Variants in RAE1 observed in about 807,000 individuals in gnomAD.
RAE1 encodes mRNA export factor RAE1.
In RAE1, 13 loss-of-function variants were observed where a neutral mutation model predicts 52.7. The ratio of observed to expected loss-of-function variants is 0.25; its 90% CI spans 0.16 to 0.39. RAE1 has a LOEUF of 0.39. Among genes scored for constraint, RAE1 ranks in the 10% least tolerant of loss-of-function variants. The pLI, the probability that RAE1 is intolerant of heterozygous loss-of-function variation, is 1.00. For missense variants in RAE1, 262 were observed against 459.8 expected (o/e 0.57, Z 3.93); for synonymous variants, 164 against 153.1 (o/e 1.07, Z -0.52).
intron 4 of RAE1, chr20:57,357,344 T>C (rs2066804939): frequency 6.6e-6 from 1 of 152,214 alleles, no homozygotes; most frequent in East Asian, 1.9e-4. Context: ...AAGAGTATCA[T>C]CTAAATAAAT....
chr20:57,351,382 C>A lies in RAE1; in HGVS notation c.-48C>A. On this transcript the variant is annotated 5_prime_UTR_variant, in exon 1 of 12. The change creates a new upstream start codon in the 5' untranslated region. Coordinates refer to ENST00000395841, the MANE Select transcript of RAE1 (RefSeq NM_003610.4). ...AGGTTCGCAAACTCCTCAGACCCTT[C>A]TGCTCCCGGCCGCCGCTTTCCGCCG... 1 of 985,508 alleles carries A rather than the reference C, an allele frequency of 1.0e-6. No homozygotes were observed. Among genetic ancestry groups the A allele is most frequent in the Non-Finnish European group, 1.2e-6 (1 of 829,968 alleles). 61.0% of individuals were successfully genotyped at this position (985,508 alleles called of 1,614,324 possible).
intron 4 of RAE1, among the ~76,000 whole-genome samples, chr20:57,364,990 TG>T (rs2066935407): frequency 6.6e-6 from 1 of 152,224 alleles, no homozygotes; most frequent in African/African-American, 2.4e-5. Flanking sequence ...TTTGTATTTT[TG>T]CAACTTTTCT....
chr20:57,374,528 C>G (rs2067082742), intron 10 of RAE1, 79 bp from the exon 11 acceptor site: 1 of 1,314,770 alleles, frequency 7.6e-7, no homozygotes, highest in Non-Finnish European at 1.1e-6. Flanking sequence ...TTTCCTAACT[C>G]AAGCAGGAAG....
intron 11 of RAE1, among the ~76,000 whole-genome samples, chr20:57,376,686 C>A (rs545312096): frequency 6.6e-6 from 1 of 152,330 alleles, no homozygotes; most frequent in East Asian, 1.9e-4. Flanking sequence ...TTCTGCCTGG[C>A]TGGGGGTGGA....
chr20:57,371,420 C>T (rs543263915), intron 8 of RAE1: 3 of 152,156 alleles, frequency 2.0e-5, no homozygotes, highest in Non-Finnish European at 4.4e-5. Flanking sequence ...AGACATGTCT[C>T]CAAAGAAGAC....
Position 57,378,400 on chromosome 20 carries a change from G to T in RAE1, c.*301G>T. 1 of 320,784 alleles carries T rather than the reference G, an allele frequency of 3.1e-6. No individual in the cohort carries two copies. The highest frequency in any genetic ancestry group is 5.7e-6 in the Non-Finnish European group (1 of 174,182). 19.9% of individuals were successfully genotyped at this position (320,784 alleles called of 1,614,324 possible). A position where few individuals can be genotyped will look rare whatever the true frequency, so the allele number is the denominator to read the frequency against. Reference sequence around the variant, plus strand: ...TTCAGTGTACGTGTTAGAGAATATTGGAAAAGCGTCTGTGAGCCCCGTGCT... The same window carrying T: ...TTCAGTGTACGTGTTAGAGAATATTTGAAAAGCGTCTGTGAGCCCCGTGCT... On this transcript the variant is annotated 3_prime_UTR_variant, in exon 12 of 12. Transcript: ENST00000395841.
intron 10 of RAE1, among the ~76,000 whole-genome samples, chr20:57,374,326 G>T (rs1466868766): frequency 1.3e-5 from 2 of 152,180 alleles, no homozygotes; most frequent in Non-Finnish European, 2.9e-5. Context: ...TGAGAAATCT[G>T]TTTGCTCAAA....
Position 57,367,076 on chromosome 20 carries a change from C to T in RAE1, c.531C>T (p.Asp177=), listed in dbSNP as rs762469040. The part of the protein sequence containing the change: ...LQLPERCYCA[D]VIYPMAVVAT... ...TCCCTGAAAGGTGTTACTGTGCTGACGTGGTAAGGGATTTCAACTTAATAT... is the reference window on the plus strand; with the variant it reads ...TCCCTGAAAGGTGTTACTGTGCTGATGTGGTAAGGGATTTCAACTTAATAT... The change falls in exon 7 of 12, where the codon GAC becomes GAT. Residue 177 remains aspartate (D), a synonymous_variant. Coordinates refer to ENST00000395841, the MANE Select transcript of RAE1 (RefSeq NM_003610.4). 28 of 1,581,596 alleles carry T rather than the reference C, an allele frequency of 1.8e-5. No individual in the cohort carries two copies. The Middle Eastern group carries it at 6.7e-4, about 38-fold the overall frequency.
chr20:57,374,904 G>C, intron 11 of RAE1, 103 bp downstream of exon 11: 3 of 1,325,378 alleles, frequency 2.3e-6, no homozygotes, highest in Non-Finnish European at 3.2e-6. Flanking sequence ...GGACTCACGT[G>C]TGTCCTTGGG....
chr20:57,356,337 T>C, intron 3 of RAE1, 109 bp from the exon 4 acceptor site: 2 of 675,312 alleles, frequency 3.0e-6, no homozygotes, highest in East Asian at 5.6e-5. Flanking sequence ...ATTAGGTTGC[T>C]ATGAGAAGTC....
intron 7 of RAE1, 136 bp downstream of exon 7, chr20:57,367,215 A>G (rs2066968011): frequency 1.3e-6 from 1 of 779,130 alleles, no homozygotes; most frequent in East Asian, 2.7e-5. Context: ...TAAAGGATCG[A>G]GTTGAGATTG....
At position 57,378,368 on chromosome 20, in the gene RAE1, G is replaced by GTTAGAGAATA; in HGVS notation, c.*269_*270insTTAGAGAATA. 4.8e-6 allele frequency: 2 copies of GTTAGAGAATA among 416,740 alleles called. No homozygotes were observed. Among genetic ancestry groups the GTTAGAGAATA allele is most frequent in the Non-Finnish European group, 8.7e-6 (2 of 230,622 alleles). 25.8% of individuals were successfully genotyped at this position (416,740 alleles called of 1,614,324 possible). A position where few individuals can be genotyped will look rare whatever the true frequency, so the allele number is the denominator to read the frequency against. ...GATTGCGGGCACCGCCAGGGATTTT[G>GTTAGAGAATA]CAGCGCTTCAGTGTACGTGTTAGAG... On this transcript the variant is annotated 3_prime_UTR_variant, in exon 12 of 12. Coordinates refer to ENST00000395841, the MANE Select transcript of RAE1 (RefSeq NM_003610.4).
chr20:57,363,224 GT>G (rs373790522), intron 4 of RAE1, among the ~76,000 whole-genome samples: 64 of 152,246 alleles, frequency 4.2e-4, no homozygotes, highest in African/African-American at 1.5e-3. Context: ...TTCTAAATTT[GT>G]TTTCTTGTTT....
At chr20:57,363,829 C>T (rs1433426060) in intron 4 of RAE1, among the ~76,000 whole-genome samples, 3 of 152,212 alleles carry the variant, frequency 2.0e-5, no homozygotes, top group African/African-American at 7.2e-5. Context: ...ACTTCTGAAA[C>T]TCATGATCTC....
At chr20:57,353,156 T>C (rs2066735251) in intron 1 of RAE1, among the ~76,000 whole-genome samples, 1 of 152,166 alleles carries the variant, frequency 6.6e-6, no homozygotes, top group Non-Finnish European at 1.5e-5. Context: ...GGTAGTAGGA[T>C]TGAAATGTGG....
chr20:57,377,000 C>T (rs1482010691), intron 11 of RAE1, among the ~76,000 whole-genome samples: 2 of 152,180 alleles, frequency 1.3e-5, no homozygotes, highest in Admixed American at 6.5e-5. Context: ...AAATTTGCTT[C>T]AGGGGTTTTT....
At chr20:57,359,909 A>G (rs1273047211) in intron 4 of RAE1, 1 of 152,194 alleles carries the variant, frequency 6.6e-6, no homozygotes, top group East Asian at 1.9e-4. Flanking sequence ...AGAAATTTCT[A>G]TCGCCTATAC....
rs1163299989 is a variant in RAE1, at chr20:57,366,856, G to A, written c.425G>A (p.Ser142Asn). The A allele has an allele frequency of 6.2e-7, 1 of 1,613,716 alleles. No homozygotes were observed. The highest frequency in any genetic ancestry group is 8.5e-7 in the Non-Finnish European group (1 of 1,179,716). The change falls in exon 6 of 12, where the codon AGC becomes AAC. Residue 142 changes from serine to asparagine, a missense_variant. Ser to Asn is a conservative substitution (Grantham distance 46, BLOSUM62 1). Coordinates refer to ENST00000395841, the MANE Select transcript of RAE1 (RefSeq NM_003610.4). ...CATTGGATCAAAGCTCCAAACTACAGCTGTGTGATGACTGGGAGCTGGGAT... is the reference window on the plus strand; with the variant it reads ...CATTGGATCAAAGCTCCAAACTACAACTGTGTGATGACTGGGAGCTGGGAT... ...TIHWIKAPNY[S>N]CVMTGSWDKT...
At chr20:57,361,034 G>C (rs960160272) in intron 4 of RAE1, among the ~76,000 whole-genome samples, 1 of 152,106 alleles carries the variant, frequency 6.6e-6, no homozygotes, top group African/African-American at 2.4e-5. Flanking sequence ...GTCTTGCTTT[G>C]AGTGGTTAAG....
Sources: allele counts gnomAD v4.1 joint callset (sites outside exome capture counted in the v4.1 genomes callset), GRCh38; gene constraint gnomAD v4.1.1; transcripts MANE v1.5; gene names NCBI Gene and HGNC (gene_info 2026-07-23, HGNC 2026-07-21).